Variants in GRM8 observed in about 807,000 individuals in gnomAD.
GRM8 encodes metabotropic glutamate receptor 8.
A neutral mutation model predicts 87.2 loss-of-function variants in GRM8; 47 were observed. That is an observed-to-expected ratio of 0.54 (90% CI 0.43 to 0.69). GRM8 has a LOEUF of 0.69. Ranked by LOEUF, GRM8 falls within the 30% of genes least tolerant of loss-of-function variation. The pLI, the probability that GRM8 is intolerant of heterozygous loss-of-function variation, is 0.00. For missense variants in GRM8, 1,019 were observed against 1,139.2 expected (o/e 0.89, Z 1.52); for synonymous variants, 396 against 404.5 (o/e 0.98, Z 0.25).
chr7:127,211,477 C>T (rs1796206685), intron 2 of GRM8, among the ~76,000 whole-genome samples: 1 of 152,212 alleles, frequency 6.6e-6, no homozygotes. Context: ...GTCTGCCTCT[C>T]CCAGTCCACT....
At chr7:126,905,138 G>C (rs897310933) in intron 3 of GRM8, among the ~76,000 whole-genome samples, 2 of 152,120 alleles carry the variant, frequency 1.3e-5, no homozygotes, top group African/African-American at 4.8e-5. Flanking sequence ...TAATTTCATT[G>C]TATAGCTAAT....
rs1186202457 is a variant in GRM8, at chr7:127,024,853, C to T, written c.727+81643G>A. Among the ~76,000 whole-genome samples, 3 of 152,154 alleles carry T rather than the reference C, an allele frequency of 2.0e-5. No individual in the cohort carries two copies. In the East Asian group the frequency reaches 5.8e-4, roughly 30 times the overall value. On this transcript the variant is annotated intron_variant, in intron 3 of 10. Transcript: ENST00000339582. ...CTCCTCAGGGCAACCCCACCACACC[C>T]TACCTAGAAAAGCCTCATCCCTCCC...
At chr7:126,453,058 C>T (rs1333876808) in intron 9 of GRM8, among the ~76,000 whole-genome samples, 2 of 144,374 alleles carry the variant, frequency 1.4e-5, no homozygotes, top group Non-Finnish European at 1.5e-5. Context: ...GACTTTTAGC[C>T]TTTATAGCAG....
chr7:126,762,775 A>G (rs1253067326), intron 7 of GRM8, among the ~76,000 whole-genome samples: 1 of 151,874 alleles, frequency 6.6e-6, no homozygotes, highest in African/African-American at 2.4e-5. Context: ...TGTAAATATA[A>G]TTACTGTTAA....
intron 3 of GRM8, among the ~76,000 whole-genome samples, chr7:127,099,508 C>A (rs1825013633): frequency 6.6e-6 from 1 of 152,198 alleles, no homozygotes; most frequent in South Asian, 2.1e-4. Flanking sequence ...GAAAGCCAGA[C>A]AGACACTGGG....
At position 126,718,110 on chromosome 7, in the gene GRM8, G is replaced by A. The variant is rs376354193; in HGVS notation, c.1357+51755C>T. The stretch of plus-strand genomic sequence containing the variant: ...AAATTAGCAGGGCGTGGTGGCAGGC[G>A]CCTGTAGCCCCAGCTACTCGGGAGG... On this transcript the variant is annotated intron_variant, in intron 7 of 10. Transcript: ENST00000339582. Among the ~76,000 whole-genome samples the A allele has an allele frequency of 7.2e-5, 11 of 152,074 alleles. No homozygotes were observed. In the South Asian group the frequency reaches 2.1e-3, roughly 29 times the overall value.
chr7:126,716,903 C>A (rs1456620470), intron 7 of GRM8, among the ~76,000 whole-genome samples: 1 of 152,010 alleles, frequency 6.6e-6, no homozygotes, highest in Non-Finnish European at 1.5e-5. Flanking sequence ...CTTCTTCCAC[C>A]AGTAGGGAGG....
chr7:126,660,293 T>C (rs1486678192), intron 7 of GRM8, among the ~76,000 whole-genome samples: 1 of 152,136 alleles, frequency 6.6e-6, no homozygotes, highest in East Asian at 1.9e-4. Flanking sequence ...AACTAATAAG[T>C]AGTACTAGTA....
chr7:127,171,923 G>C (rs375164430), intron 2 of GRM8, among the ~76,000 whole-genome samples: 2 of 152,078 alleles, frequency 1.3e-5, no homozygotes, highest in African/African-American at 4.8e-5. Context: ...AGTTTGTGAA[G>C]GTTTGGGAAT....
chr7:126,472,446 A>T (rs1275758414), intron 9 of GRM8, among the ~76,000 whole-genome samples: 4 of 152,158 alleles, frequency 2.6e-5, no homozygotes, highest in Admixed American at 2.6e-4. Context: ...GAAATTTCTA[A>T]GCAGCAAGGC....
At chr7:127,088,920 T>C (rs1823772072) in intron 3 of GRM8, among the ~76,000 whole-genome samples, 1 of 152,186 alleles carries the variant, frequency 6.6e-6, no homozygotes. Flanking sequence ...TGTCACTTCT[T>C]GTACAGTGGG....
At position 127,087,169 on chromosome 7, in the gene GRM8, G is replaced by A. The variant is rs17866747; in HGVS notation, c.727+19327C>T. The stretch of plus-strand genomic sequence containing the variant: ...GAAAAAGAGAAAAAGGAGCAGCAGA[G>A]AAGAAACCAGCCTCAGTCCCAGGCC... On this transcript the variant is annotated intron_variant, in intron 3 of 10. Coordinates refer to ENST00000339582, the MANE Select transcript of GRM8 (RefSeq NM_000845.3). Among the ~76,000 whole-genome samples, 36 of 152,288 alleles carry A rather than the reference G, an allele frequency of 2.4e-4. 1 individual carries two copies. The East Asian group carries it at 7.0e-3, about 29-fold the overall frequency.
intron 6 of GRM8, among the ~76,000 whole-genome samples, chr7:126,864,853 G>A (rs1171815568): frequency 6.6e-6 from 1 of 151,942 alleles, no homozygotes; most frequent in Non-Finnish European, 1.5e-5. Flanking sequence ...TCTTCTGCTG[G>A]GACCCCATAT....
intron 6 of GRM8, among the ~76,000 whole-genome samples, chr7:126,890,581 C>G (rs1800900518): frequency 6.6e-6 from 1 of 152,070 alleles, no homozygotes; most frequent in South Asian, 2.1e-4. Context: ...ATCTCACAGC[C>G]TCAAACTACT....
At chr7:127,188,502 T>C (rs758672640) in intron 2 of GRM8, among the ~76,000 whole-genome samples, 4 of 152,100 alleles carry the variant, frequency 2.6e-5, no homozygotes, top group Admixed American at 6.6e-5. Flanking sequence ...ATCTCAAGCA[T>C]TGTGCAAAAG....
intron 7 of GRM8, among the ~76,000 whole-genome samples, chr7:126,760,396 A>G (rs1257761905): frequency 6.6e-6 from 1 of 152,102 alleles, no homozygotes; most frequent in African/African-American, 2.4e-5. Flanking sequence ...AGATTGATAA[A>G]CCTTGTCCTT....
At chr7:126,624,927 G>A (rs1248657280) in intron 7 of GRM8, among the ~76,000 whole-genome samples, 4 of 152,242 alleles carry the variant, frequency 2.6e-5, no homozygotes, top group Admixed American at 2.0e-4. Flanking sequence ...ATGAATATCC[G>A]TGCTACTAAC....
At chr7:126,480,209 ACTCT>A (rs1159358642) in intron 9 of GRM8, among the ~76,000 whole-genome samples, 2 of 151,840 alleles carry the variant, frequency 1.3e-5, no homozygotes, top group Non-Finnish European at 2.9e-5. Context: ...ACATGGTGAA[ACTCT>A]CTCTCTACTA....
At chr7:126,864,483 ATTGT>A (rs767484895) in intron 6 of GRM8, among the ~76,000 whole-genome samples, 12 of 151,940 alleles carry the variant, frequency 7.9e-5, no homozygotes, top group Non-Finnish European at 1.3e-4. Flanking sequence ...TGTCTGGTCC[ATTGT>A]TTGTCCAATC....
Sources: gnomAD v4.1 joint callset for allele counts (sites outside exome capture counted in the v4.1 genomes callset) on GRCh38, gnomAD v4.1.1 for gene constraint, MANE v1.5 for transcripts, NCBI Gene and HGNC (gene_info 2026-07-23, HGNC 2026-07-21) for gene names.